CDH12: variants seen among roughly 807,000 people sequenced by gnomAD.
The protein encoded by CDH12 is cadherin 12.
Under a neutral mutation model 74.1 loss-of-function variants are expected in CDH12, and 41 were observed. That is an observed-to-expected ratio of 0.55 (90% CI 0.43 to 0.72). The LOEUF is 0.72. CDH12 is among the 30% of genes least tolerant of loss of function. CDH12 has a pLI of 0.00. For synonymous variants in CDH12, 399 were observed against 355.0 expected (o/e 1.12, Z -1.39); for missense variants, 945 against 977.2 (o/e 0.97, Z 0.44).
chr5:22,505,878 G>C (rs1252044444), intron 1 of CDH12, among the ~76,000 whole-genome samples: 1 of 152,010 alleles, frequency 6.6e-6, no homozygotes. Flanking sequence ...TGGTTTTTTG[G>C]GAGGAGGACC....
chr5:22,067,944 C>T (rs1741681970), intron 5 of CDH12, among the ~76,000 whole-genome samples: 1 of 151,968 alleles, frequency 6.6e-6, no homozygotes, highest in Non-Finnish European at 1.5e-5. Flanking sequence ...CACCACTGCA[C>T]TCCAGCCTGG....
intron 12 of CDH12, among the ~76,000 whole-genome samples, chr5:21,761,063 C>T (rs1744690778): frequency 1.3e-5 from 2 of 152,004 alleles, no homozygotes; most frequent in Non-Finnish European, 2.9e-5. Context: ...TCTAAAAGCC[C>T]TTGTGATAGC....
chr5:22,163,087 G>C, intron 4 of CDH12, among the ~76,000 whole-genome samples: 1 of 151,718 alleles, frequency 6.6e-6, no homozygotes, highest in Non-Finnish European at 1.5e-5. Context: ...TAGTAGAGAC[G>C]GGGTTTCACC....
chr5:22,070,229 A>ACCC (rs1428904646), intron 5 of CDH12, among the ~76,000 whole-genome samples: 1 of 152,284 alleles, frequency 6.6e-6, no homozygotes, highest in East Asian at 1.9e-4. Flanking sequence ...CAAGGACTTT[A>ACCC]CATTCTTTTC....
intron 8 of CDH12, among the ~76,000 whole-genome samples, chr5:21,820,169 A>G (rs1373325447): frequency 6.6e-6 from 1 of 152,000 alleles, no homozygotes; most frequent in Non-Finnish European, 1.5e-5. Flanking sequence ...CCCCCTTTCC[A>G]AGACAATAAT....
chr5:22,585,903 T>A (rs1209438692), intron 1 of CDH12, among the ~76,000 whole-genome samples: 1 of 152,176 alleles, frequency 6.6e-6, no homozygotes, highest in Non-Finnish European at 1.5e-5. Context: ...GACTGTTAAC[T>A]AGTTCAACCA....
At chr5:22,397,009 G>A (rs147869756) in intron 3 of CDH12, among the ~76,000 whole-genome samples, 1 of 151,932 alleles carries the variant, frequency 6.6e-6, no homozygotes, top group South Asian at 2.1e-4. Flanking sequence ...AAACTTTGGT[G>A]TATCAGAGTC....
intron 3 of CDH12, among the ~76,000 whole-genome samples, chr5:22,222,385 C>A (rs578151090): frequency 6.6e-6 from 1 of 151,882 alleles, no homozygotes. Flanking sequence ...CTAAAGACCA[C>A]GAATTAGGTT....
At chr5:22,301,112 G>A (rs1054713349) in intron 3 of CDH12, among the ~76,000 whole-genome samples, 2 of 152,024 alleles carry the variant, frequency 1.3e-5, no homozygotes, top group African/African-American at 4.8e-5. Context: ...TAGAGACTAA[G>A]TTCGGCAATG....
chr5:22,284,184 A>AAG (rs1737037736), intron 3 of CDH12, among the ~76,000 whole-genome samples: 1 of 152,176 alleles, frequency 6.6e-6, no homozygotes, highest in Non-Finnish European at 1.5e-5. Flanking sequence ...GAACTGCAGA[A>AAG]TTTATCTTTT....
At chr5:21,880,595 CCTT>C (rs1561268184) in intron 6 of CDH12, among the ~76,000 whole-genome samples, 4 of 52,716 alleles carry the variant, frequency 7.6e-5, no homozygotes, top group Admixed American at 2.6e-4. Context: ...TTCCTTCCTT[CCTT>C]CCTTCCTTCC....
intron 2 of CDH12, among the ~76,000 whole-genome samples, chr5:22,491,316 A>G (rs1412980235): frequency 6.6e-6 from 1 of 152,200 alleles, no homozygotes; most frequent in East Asian, 1.9e-4. Context: ...GTTGCTGCAA[A>G]GCACATGGTT....
chr5:22,560,023 A>G (rs922051798), intron 1 of CDH12, among the ~76,000 whole-genome samples: 11 of 152,180 alleles, frequency 7.2e-5, no homozygotes, highest in Non-Finnish European at 5.9e-5. Context: ...GAAAGGACCA[A>G]TCAATTTGTG....
At chr5:22,618,979 C>T (rs1327064535) in intron 1 of CDH12, among the ~76,000 whole-genome samples, 1 of 152,110 alleles carries the variant, frequency 6.6e-6, no homozygotes, top group Non-Finnish European at 1.5e-5. Flanking sequence ...TGAGACCTCC[C>T]CAGCCATGTG....
chr5:22,510,433 C>T (rs938660801), intron 1 of CDH12, among the ~76,000 whole-genome samples: 6 of 151,948 alleles, frequency 3.9e-5, no homozygotes, highest in East Asian at 1.9e-4. Context: ...TAAATATGTA[C>T]GAACGTTTCA....
chr5:22,691,728 C>T (rs558658830), intron 1 of CDH12, among the ~76,000 whole-genome samples: 2 of 152,212 alleles, frequency 1.3e-5, no homozygotes, highest in South Asian at 4.2e-4. Flanking sequence ...CATCACTTTC[C>T]CTGACTGTAG....
chr5:21,866,399 A>G (rs967297027), intron 6 of CDH12, among the ~76,000 whole-genome samples: 1 of 152,168 alleles, frequency 6.6e-6, no homozygotes, highest in Non-Finnish European at 1.5e-5. Context: ...TTTGACCAAA[A>G]CACTGTTAAT....
chr5:22,261,360 C>T (rs552208733), intron 3 of CDH12, among the ~76,000 whole-genome samples: 2 of 151,910 alleles, frequency 1.3e-5, no homozygotes, highest in East Asian at 3.9e-4. Context: ...TTTCAGCTTT[C>T]CCCACCCTTT....
At chr5:21,933,714 A>G (rs1754947764) in intron 6 of CDH12, among the ~76,000 whole-genome samples, 1 of 152,206 alleles carries the variant, frequency 6.6e-6, no homozygotes, top group South Asian at 2.1e-4. Context: ...AGTGGTAGAA[A>G]GTACTGACAT....
Sources: allele counts gnomAD v4.1 joint callset (sites outside exome capture counted in the v4.1 genomes callset), GRCh38; gene constraint gnomAD v4.1.1; transcripts MANE v1.5; gene names NCBI Gene and HGNC (gene_info 2026-07-23, HGNC 2026-07-21).